SSH2: variants seen among roughly 807,000 people sequenced by gnomAD.
SSH2 encodes protein phosphatase Slingshot homolog 2.
In SSH2, 37 loss-of-function variants were observed where a neutral mutation model predicts 135.2. That is an observed-to-expected ratio of 0.27 (90% CI 0.21 to 0.36). The LOEUF is 0.36. Ranked by LOEUF, SSH2 falls within the 10% of genes least tolerant of loss-of-function variation. SSH2 has a pLI of 1.00. For missense variants in SSH2, 1,408 were observed against 1,765.3 expected (o/e 0.80, Z 3.63); for synonymous variants, 628 against 646.2 (o/e 0.97, Z 0.43).
chr17:29,909,081 G>GA (rs970977016), intron 1 of SSH2, among the ~76,000 whole-genome samples: 48 of 145,436 alleles, frequency 3.3e-4, no homozygotes, highest in East Asian at 2.0e-3. Flanking sequence ...CGTCTCAAAG[G>GA]AAAAAAAAAA....
At chr17:29,886,225 TCATAGCGATATGGACA>T (rs2066235457) in intron 1 of SSH2, among the ~76,000 whole-genome samples, 1 of 152,146 alleles carries the variant, frequency 6.6e-6, no homozygotes, top group Non-Finnish European at 1.5e-5. Flanking sequence ...ACCAAAATGC[TCATAGCGATATGGACA>T]ATAAGGTCCA....
intron 5 of SSH2, among the ~76,000 whole-genome samples, chr17:29,685,445 G>C (rs955360189): frequency 8.5e-5 from 13 of 152,222 alleles, no homozygotes; most frequent in African/African-American, 3.1e-4. Flanking sequence ...ATTTAACAGG[G>C]AGTGGGGACA....
At chr17:29,868,021 A>G (rs1273328228) in intron 1 of SSH2, among the ~76,000 whole-genome samples, 1 of 152,210 alleles carries the variant, frequency 6.6e-6, no homozygotes, top group African/African-American at 2.4e-5. Context: ...TTGTATTCTA[A>G]TTGATTAAGT....
chr17:29,909,138 C>G (rs1017775541), intron 1 of SSH2, among the ~76,000 whole-genome samples: 1 of 152,152 alleles, frequency 6.6e-6, no homozygotes, highest in Non-Finnish European at 1.5e-5. Flanking sequence ...AAAAACTATA[C>G]TCTATCCTAC....
intron 15 of SSH2, 29 bp from the exon 16 acceptor site, chr17:29,632,960 T>C (rs1306864386): frequency 3.2e-6 from 5 of 1,556,300 alleles, no homozygotes; most frequent in East Asian, 2.2e-5. Context: ...GAGAAGATTA[T>C]GGCAAACTGT....
chr17:29,869,173 G>C (rs753979075), intron 1 of SSH2, among the ~76,000 whole-genome samples: 17 of 152,208 alleles, frequency 1.1e-4, no homozygotes, highest in South Asian at 4.1e-4. Context: ...AGAGATTCTA[G>C]AGAGATGGTC....
At chr17:29,683,832 C>A (rs570636963) in intron 6 of SSH2, among the ~76,000 whole-genome samples, 1 of 151,384 alleles carries the variant, frequency 6.6e-6, no homozygotes, top group East Asian at 1.9e-4. Flanking sequence ...GTACTTCTAG[C>A]TACTTAGGAG....
chr17:29,916,614 C>A (rs906164689), intron 1 of SSH2, among the ~76,000 whole-genome samples: 5 of 151,990 alleles, frequency 3.3e-5, no homozygotes, highest in Non-Finnish European at 5.9e-5. Context: ...GCGTGCACCA[C>A]CATGCCCAGC....
intron 8 of SSH2, among the ~76,000 whole-genome samples, chr17:29,675,174 C>G (rs767662051): frequency 1.3e-5 from 2 of 152,170 alleles, no homozygotes; most frequent in African/African-American, 2.4e-5. Context: ...AAAATCTGGT[C>G]TAAACACATG....
intron 3 of SSH2, among the ~76,000 whole-genome samples, chr17:29,755,421 T>C (rs1031760505): frequency 5.3e-5 from 8 of 152,206 alleles, no homozygotes; most frequent in African/African-American, 1.7e-4. Flanking sequence ...GTGAGTTTTA[T>C]ATAGCGGCAA....
intron 14 of SSH2, chr17:29,647,818 A>G (rs2036438218): frequency 7.4e-6 from 2 of 268,814 alleles, no homozygotes; most frequent in Admixed American, 9.8e-5. Flanking sequence ...GCCCATCATC[A>G]TGCCCAGCTA....
intron 1 of SSH2, among the ~76,000 whole-genome samples, chr17:29,926,020 T>C (rs764585782): frequency 3.9e-5 from 6 of 152,206 alleles, no homozygotes; most frequent in Non-Finnish European, 7.3e-5. Flanking sequence ...GAACAATATC[T>C]ATCCTAAGAG....
chr17:29,707,880 C>T (rs140739049), intron 3 of SSH2, among the ~76,000 whole-genome samples: 1 of 152,120 alleles, frequency 6.6e-6, no homozygotes, highest in East Asian at 1.9e-4. Flanking sequence ...CCCAGAGACT[C>T]GTGGCAGATA....
At chr17:29,853,793 C>T (rs939362426) in intron 1 of SSH2, among the ~76,000 whole-genome samples, 1 of 151,598 alleles carries the variant, frequency 6.6e-6, no homozygotes, top group South Asian at 2.1e-4. Context: ...TGAGAGATAA[C>T]ATAAGAAAAG....
At chr17:29,791,225 C>G (rs2042059789) in intron 3 of SSH2, among the ~76,000 whole-genome samples, 1 of 152,058 alleles carries the variant, frequency 6.6e-6, no homozygotes. Context: ...AGCTGGACTA[C>G]AGGCATGCAC....
Position 29,629,326 on chromosome 17 carries a change from G to A in SSH2, c.*1515C>T, listed in dbSNP as rs1470659015. On this transcript the variant is annotated 3_prime_UTR_variant, in exon 16 of 16. Coordinates refer to ENST00000540801, the MANE Select transcript of SSH2 (RefSeq NM_001282129.2). ...TCTGGGCAACTCACATATACTTCCT[G>A]GCTGTGGTTGAGATACTGGCAAACA... 6.6e-6 allele frequency: 1 copy of A among 152,668 alleles called. No individual in the cohort carries two copies. Among genetic ancestry groups the A allele is most frequent in the African/African-American group, 2.4e-5 (1 of 41,450 alleles). 9.5% of individuals were successfully genotyped at this position (152,668 alleles called of 1,614,324 possible). A position where few individuals can be genotyped will look rare whatever the true frequency, so the allele number is the denominator to read the frequency against.
At chr17:29,660,649 A>G (rs1186635573) in intron 11 of SSH2, among the ~76,000 whole-genome samples, 1 of 152,170 alleles carries the variant, frequency 6.6e-6, no homozygotes, top group Non-Finnish European at 1.5e-5. Flanking sequence ...CTCAAATTAT[A>G]CATGCAAAGT....
At chr17:29,914,453 T>C (rs2066844045) in intron 1 of SSH2, among the ~76,000 whole-genome samples, 1 of 151,030 alleles carries the variant, frequency 6.6e-6, no homozygotes, top group Non-Finnish European at 1.5e-5. Context: ...TAGTCCCAGC[T>C]ATTTGGCAGG....
chr17:29,847,292 G>A (rs2043148345), intron 2 of SSH2, among the ~76,000 whole-genome samples: 2 of 152,104 alleles, frequency 1.3e-5, no homozygotes, highest in Admixed American at 6.5e-5. Flanking sequence ...AAAAAATCAG[G>A]TTGTCACCAA....
Sources: allele counts gnomAD v4.1 joint callset (sites outside exome capture counted in the v4.1 genomes callset), GRCh38; gene constraint gnomAD v4.1.1; transcripts MANE v1.5; gene names NCBI Gene and HGNC (gene_info 2026-07-23, HGNC 2026-07-21).